Variants in SERPINI1 observed in about 807,000 individuals in gnomAD.
The protein encoded by SERPINI1 is neuroserpin.
SERPINI1 carries 19 observed loss-of-function variants against 41.1 expected under a neutral mutation model. That is an observed-to-expected ratio of 0.46 (90% CI 0.32 to 0.68). SERPINI1 has a LOEUF of 0.68. SERPINI1 is among the 30% of genes least tolerant of loss of function. The pLI is 0.03. For missense variants in SERPINI1, 460 were observed against 479.2 expected (o/e 0.96, Z 0.37); for synonymous variants, 138 against 156.6 (o/e 0.88, Z 0.89).
At chr3:167,791,966 A>T (rs1727532974) in intron 3 of SERPINI1, among the ~76,000 whole-genome samples, 1 of 152,114 alleles carries the variant, frequency 6.6e-6, no homozygotes. Context: ...CTCTTCTAAA[A>T]ATACAGAAAT....
chr3:167,777,668 A>T (rs1188478814), intron 1 of SERPINI1, among the ~76,000 whole-genome samples: 1 of 152,206 alleles, frequency 6.6e-6, no homozygotes, highest in African/African-American at 2.4e-5. Flanking sequence ...AGGAATTCAA[A>T]TTTAATATAT....
intron 1 of SERPINI1, among the ~76,000 whole-genome samples, chr3:167,777,713 G>T (rs527942963): frequency 6.6e-6 from 1 of 152,114 alleles, no homozygotes; most frequent in Non-Finnish European, 1.5e-5. Context: ...AAATTCTAGG[G>T]ACTGTTGGCA....
intron 4 of SERPINI1, 62 bp from the exon 5 acceptor site, chr3:167,794,558 C>A: frequency 2.1e-6 from 3 of 1,404,816 alleles, no homozygotes; most frequent in South Asian, 2.4e-5. Context: ...TCTTTCATCT[C>A]TCGCCCCCAG....
chr3:167,822,983 C>T lies in SERPINI1; in HGVS notation c.980-3C>T, dbSNP rs1230344044. 1 of 1,570,902 alleles carries T rather than the reference C, an allele frequency of 6.4e-7. No individual in the cohort carries two copies. Among genetic ancestry groups the T allele is most frequent in the African/African-American group, 1.4e-5 (1 of 74,066 alleles). The stretch of plus-strand genomic sequence containing the variant: ...AAAAAAATTTCTGATTCTCTTTTTG[C>T]AGATAATAAGGAGATTTTTCTTTCC... On this transcript the variant is annotated splice_region_variant and splice_polypyrimidine_tract_variant and intron_variant, in intron 6 of 8. Coordinates refer to ENST00000446050, the MANE Select transcript of SERPINI1 (RefSeq NM_001122752.2).
Position 167,790,465 on chromosome 3 carries a change from A to G in SERPINI1, c.344A>G (p.Gln115Arg), listed in dbSNP as rs759147507. The change falls in exon 3 of 9, where the codon CAA becomes CGA. Residue 115 changes from glutamine (Q) to arginine (R), a missense_variant. Coordinates refer to ENST00000446050, the MANE Select transcript of SERPINI1 (RefSeq NM_001122752.2). The part of the protein sequence containing the change: ...VMKIANSLFV[Q>R]NGFHVNEEFL... Reference sequence around the variant, plus strand: ...AAAATTGCCAATTCCTTGTTTGTGCAAAATGGATTTCATGTCAATGAGGAG... The same window carrying G: ...AAAATTGCCAATTCCTTGTTTGTGCGAAATGGATTTCATGTCAATGAGGAG... 3 of 1,614,088 alleles carry G rather than the reference A, an allele frequency of 1.9e-6. No homozygotes were observed. The South Asian group carries it at 3.3e-5, about 18-fold the overall frequency.
intron 1 of SERPINI1, among the ~76,000 whole-genome samples, chr3:167,737,670 A>G (rs574143958): frequency 1.1e-4 from 16 of 152,164 alleles, no homozygotes; most frequent in Non-Finnish European, 2.1e-4. Context: ...AATACTACCA[A>G]TGAAATTCTT....
chr3:167,736,161 T>A (rs1328396273), intron 1 of SERPINI1: 1 of 152,116 alleles, frequency 6.6e-6, no homozygotes, highest in Non-Finnish European at 1.5e-5. Flanking sequence ...AAAGCAAAAA[T>A]TTTGCTATTG....
intron 6 of SERPINI1, among the ~76,000 whole-genome samples, chr3:167,810,082 T>C (rs1371110755): frequency 6.6e-6 from 1 of 152,156 alleles, no homozygotes; most frequent in African/African-American, 2.4e-5. Context: ...AATTTATGAA[T>C]CATTCATTCA....
chr3:167,775,681 A>G (rs919720089), intron 1 of SERPINI1, among the ~76,000 whole-genome samples: 2 of 139,370 alleles, frequency 1.4e-5, no homozygotes, highest in African/African-American at 5.8e-5. Flanking sequence ...ATCTCCTTGA[A>G]CAATGTAGAC....
chr3:167,823,295 A>G (rs1408221850), intron 7 of SERPINI1, among the ~76,000 whole-genome samples: 1 of 152,162 alleles, frequency 6.6e-6, no homozygotes, highest in Non-Finnish European at 1.5e-5. Context: ...TTTTCTCTCT[A>G]ATGAGAGACA....
chr3:167,770,716 A>G (rs777472219), intron 1 of SERPINI1, among the ~76,000 whole-genome samples: 2 of 152,228 alleles, frequency 1.3e-5, no homozygotes, highest in Non-Finnish European at 1.5e-5. Flanking sequence ...TGTCTCAATT[A>G]CTATAAATGA....
At chr3:167,797,407 G>A (rs1727750258) in intron 5 of SERPINI1, among the ~76,000 whole-genome samples, 1 of 152,062 alleles carries the variant, frequency 6.6e-6, no homozygotes, top group Admixed American at 6.6e-5. Context: ...TTTTTCTCAT[G>A]TAATCTTTGC....
intron 5 of SERPINI1, among the ~76,000 whole-genome samples, chr3:167,795,443 C>A (rs2108560363): frequency 6.6e-6 from 1 of 152,314 alleles, no homozygotes; most frequent in Middle Eastern, 3.4e-3. Flanking sequence ...GTAGCATGTT[C>A]TGTCCATGTA....
intron 1 of SERPINI1, among the ~76,000 whole-genome samples, chr3:167,760,561 T>TTGTGTGTG (rs57003321): frequency 3.6e-5 from 5 of 140,606 alleles, no homozygotes; most frequent in South Asian, 2.6e-4. Flanking sequence ...TGGCTCCAAA[T>TTGTGTGTG]TGTGTGTGTG....
chr3:167,793,834 A>ATGTGTG (rs1368712957), intron 4 of SERPINI1, among the ~76,000 whole-genome samples: 3 of 106,576 alleles, frequency 2.8e-5, no homozygotes, highest in Non-Finnish European at 6.0e-5. Context: ...TTTTGGCCAT[A>ATGTGTG]TGTATGTGTG....
At chr3:167,813,819 T>C (rs7641394) in intron 6 of SERPINI1, among the ~76,000 whole-genome samples, 37,417 of 151,870 alleles carry the variant, frequency 0.25, 6,505 homozygotes, top group African/African-American at 0.49. Context: ...TGGGTGAGTG[T>C]TGTGAGTAAA....
At position 167,801,637 on chromosome 3, in the gene SERPINI1, G is replaced by A. The variant is rs184514931; in HGVS notation, c.882-5607G>A. On this transcript the variant is annotated intron_variant, in intron 5 of 8. Transcript: ENST00000446050. ...ACTTATCTCATAGGGTTGTTCGAGA[G>A]CATCATGGAAATCATTAAATAATAT... Among the ~76,000 whole-genome samples, 206 of 152,032 alleles carry A rather than the reference G, an allele frequency of 1.4e-3. 2 individuals are homozygous for A. The highest frequency in any genetic ancestry group is 4.8e-3 in the African/African-American group (198 of 41,466).
At chr3:167,782,135 G>A (rs1259741419) in intron 1 of SERPINI1, among the ~76,000 whole-genome samples, 2 of 152,114 alleles carry the variant, frequency 1.3e-5, no homozygotes, top group African/African-American at 4.8e-5. Context: ...TTACAGAGTA[G>A]CTAGAAAAAT....
intron 5 of SERPINI1, among the ~76,000 whole-genome samples, chr3:167,799,406 T>G (rs1388438816): frequency 6.6e-6 from 1 of 152,240 alleles, no homozygotes; most frequent in African/African-American, 2.4e-5. Context: ...TATTCCATGG[T>G]ATATATGTGC....
Sources: allele counts gnomAD v4.1 joint callset (sites outside exome capture counted in the v4.1 genomes callset), GRCh38; gene constraint gnomAD v4.1.1; transcripts MANE v1.5; gene names NCBI Gene and HGNC (gene_info 2026-07-23, HGNC 2026-07-21).